The following NEB variants were observed in gnomAD, a reference collection of about 807,000 sequenced individuals.
NEB encodes nemaline myopathy type 2.
Under a neutral mutation model 952.2 loss-of-function variants are expected in NEB, and 512 were observed. That is an observed-to-expected ratio of 0.54 (90% CI 0.50 to 0.58). The LOEUF (loss-of-function observed/expected upper bound fraction) is 0.58, where lower values mean the gene tolerates loss of function less well. Among genes scored for constraint, NEB ranks in the 20% least tolerant of loss-of-function variants. NEB has a pLI of 0.00. For synonymous variants in NEB, 2,900 were observed against 3,149.8 expected (o/e 0.92, Z 2.66); for missense variants, 8,428 against 9,231.1 (o/e 0.91, Z 3.56).
chr2:151,646,196 C>A lies in NEB; in HGVS notation c.7470G>T (p.Gln2490His). 1 of 1,603,904 alleles carries A rather than the reference C, an allele frequency of 6.2e-7. No individual in the cohort carries two copies. The highest frequency in any genetic ancestry group is 1.3e-5 in the African/African-American group (1 of 74,958). Residue 2490 changes from glutamine (Q) to histidine (H), a missense_variant, in exon 55 of 182, where the codon CAG becomes CAT. By Grantham distance (24) the Gln-to-His change is conservative (BLOSUM62 0). Around this residue, in one of 11 missense-constraint regions of NEB, gnomAD observed 1,772 missense variants for 1,960.3 expected, o/e 0.90. Transcript: ENST00000397345. ...YREAWDKDKT[Q>H]IHIMPDTPDI... ...CAGGTGTATCAGGCATGATGTGGAT[C>A]TGAGTCTTGTCTTTGTCCCAAGCTT...
In NEB at chr2:151,540,943, T is replaced by C. The variant is rs1027950979; in HGVS notation, c.20683-142A>G. Reference sequence around the variant, plus strand: ...GATGTTTGTTTGCTTGTTTTTTTGTTATATGCGTTTCTGTTCATTTGTTTC... The same window carrying C: ...GATGTTTGTTTGCTTGTTTTTTTGTCATATGCGTTTCTGTTCATTTGTTTC... On this transcript the variant is annotated intron_variant, in intron 136 of 181. Transcript: ENST00000397345. 77 of 705,198 alleles carry C rather than the reference T, an allele frequency of 1.1e-4. 1 individual carries two copies. Among genetic ancestry groups the C allele is most frequent in the Non-Finnish European group, 1.8e-4 (72 of 407,976 alleles). 43.7% of individuals were successfully genotyped at this position (705,198 alleles called of 1,614,324 possible).
chr2:151,486,025 C>T (rs2050029090), intron 181 of NEB, 92 bp from the exon 182 acceptor site: 4 of 1,320,738 alleles, frequency 3.0e-6, no homozygotes, highest in East Asian at 4.8e-5. Flanking sequence ...TGACTGACTC[C>T]ACAAACTTAA....
intron 134 of NEB, 102 bp downstream of exon 134, chr2:151,546,243 G>C: frequency 1.1e-6 from 1 of 919,116 alleles, no homozygotes; most frequent in Non-Finnish European, 1.7e-6. Context: ...CCCCTTAAAA[G>C]TAGCTGCAGG....
At position 151,636,241 on chromosome 2, in the gene NEB, C is replaced by T; in HGVS notation, c.9088G>A (p.Asp3030Asn). The stretch of plus-strand genomic sequence containing the variant: ...TGACAACTCACGTCACTGATGATGT[C>T]CCTGGAGGCCTTGGCCGCCACGATG... ...IPIVAAKASR[D>N]IISDYKYKDG... Residue 3030 changes from aspartate (D) to asparagine (N), a missense_variant, in exon 64 of 182, where the codon GAC becomes AAC. By Grantham distance (23) the Asp-to-Asn change is conservative. Around this residue, in one of 11 missense-constraint regions of NEB, gnomAD observed 1,772 missense variants for 1,960.3 expected, o/e 0.90. Transcript: ENST00000397345. 6.2e-7 allele frequency: 1 copy of T among 1,609,176 alleles called. No individual in the cohort carries two copies. Among genetic ancestry groups the T allele is most frequent in the Non-Finnish European group, 8.5e-7 (1 of 1,179,406 alleles).
intron 70 of NEB, among the ~76,000 whole-genome samples, chr2:151,626,757 C>T (rs2098534527): frequency 6.6e-6 from 1 of 152,144 alleles, no homozygotes. Flanking sequence ...ATCTCCTGAC[C>T]TCATGATCCG....
At position 151,620,942 on chromosome 2, in the gene NEB, C is replaced by A. The variant is rs1560541262; in HGVS notation, c.10537G>T (p.Ala3513Ser). ...SDAIPIVAAK[A>S]SRDIASDYKY... ...ACATCACTGGCAATATCCCGAGAGG[C>A]CTTGGCAGCCACAATGGGAATGGCA... The change falls in exon 72 of 182, where the codon GCC becomes TCC. Residue 3513 changes from alanine to serine, a missense_variant. By Grantham distance (99) the Ala-to-Ser change is moderately conservative (BLOSUM62 1). Transcript: ENST00000397345. 6.2e-7 allele frequency: 1 copy of A among 1,612,458 alleles called. No homozygotes were observed. The highest frequency in any genetic ancestry group is 2.2e-5 in the East Asian group (1 of 44,780).
In NEB at chr2:151,672,559, T is replaced by C. The variant is rs1230970164; in HGVS notation, c.4109A>G (p.Tyr1370Cys). 14 of 1,613,906 alleles carry C rather than the reference T, an allele frequency of 8.7e-6. No individual in the cohort carries two copies. Among genetic ancestry groups the C allele is most frequent in the Admixed American group, 1.7e-5 (1 of 59,998 alleles). Reference sequence around the variant, plus strand: ...TTTGGTGTTCTCATAGTTCTTCTTGTATTCACGATCAGACTGCAGCTTTGC... The same window carrying C: ...TTTGGTGTTCTCATAGTTCTTCTTGCATTCACGATCAGACTGCAGCTTTGC... ...NVAKLQSDRE[Y>C]KKNYENTKTS... The change falls in exon 37 of 182, where the codon TAC (tyrosine) becomes TGC (cysteine). Residue 1370 changes from tyrosine (Y) to cysteine (C), a missense_variant. Transcript: ENST00000397345.
intron 4 of NEB, among the ~76,000 whole-genome samples, chr2:151,728,868 G>A (rs1436712318): frequency 6.6e-6 from 1 of 152,104 alleles, no homozygotes; most frequent in African/African-American, 2.4e-5. Context: ...TTGCTAATAG[G>A]TTGTTTTCTG....
chr2:151,634,404 G>A (rs977959868), intron 64 of NEB, among the ~76,000 whole-genome samples: 1 of 152,166 alleles, frequency 6.6e-6, no homozygotes, highest in Non-Finnish European at 1.5e-5. Context: ...AGCACTTTGG[G>A]AGGCTAAGGC....
rs1553608272 is a variant in NEB, at chr2:151,697,399, T to C, written c.1316A>G (p.Glu439Gly). ...CATGCAGTGTGAATGGTATGGATCC[T>C]CGAAGCTGCCTACATAATGTCCCAA... The part of the protein sequence containing the change: ...DILGHYVGSF[E>G]DPYHSHCMKV... Residue 439 changes from glutamate (E) to glycine (G), a missense_variant, in exon 15 of 182, where the codon GAG becomes GGG. Transcript: ENST00000397345. 1 of 1,613,994 alleles carries C rather than the reference T, an allele frequency of 6.2e-7. No individual in the cohort carries two copies. Among genetic ancestry groups the C allele is most frequent in the Non-Finnish European group, 8.5e-7 (1 of 1,179,864 alleles).
intron 106 of NEB, 138 bp from the exon 107 acceptor site, chr2:151,575,937 C>G: frequency 3.9e-6 from 3 of 775,108 alleles, no homozygotes; most frequent in Non-Finnish European, 6.4e-6. Flanking sequence ...AATCTTTTCA[C>G]GTAAGTTACT....
At chr2:151,505,620 T>A (rs1285522940) in intron 164 of NEB, 50 bp from the exon 165 acceptor site, 1 of 1,422,708 alleles carries the variant, frequency 7.0e-7, no homozygotes, top group Non-Finnish European at 9.9e-7. Flanking sequence ...TGCTGGACTG[T>A]TATTCTTCCC....
chr2:151,651,003 G>T, intron 52 of NEB, 118 bp from the exon 53 acceptor site: 1 of 995,034 alleles, frequency 1.0e-6, no homozygotes, highest in Non-Finnish European at 1.4e-6. Context: ...TTCCCAGGCT[G>T]GTCTTGAACT....
intron 17 of NEB, among the ~76,000 whole-genome samples, chr2:151,696,026 TAA>T (rs1307078204): frequency 6.6e-6 from 1 of 152,246 alleles, no homozygotes; most frequent in Non-Finnish European, 1.5e-5. Flanking sequence ...TTCATCTGAT[TAA>T]GAGTCCTCTC....
At position 151,485,837 on chromosome 2, in the gene NEB, C is replaced by A. The variant is rs1304300842; in HGVS notation, c.25501G>T (p.Glu8501Ter). The A allele has an allele frequency of 1.2e-6, 2 of 1,614,100 alleles. No individual in the cohort carries two copies. The highest frequency in any genetic ancestry group is 3.3e-5 in the Admixed American group (2 of 60,022). ...DAIINVQAID[E>*]GWMYGTVQRT... ...TGCACAGTGCCATACATCCAGCCTT[C>A]ATCAATTGCTTGAACATTTATGATG... Residue 8501 changes from glutamate (E) to a stop codon, truncating the protein, a stop_gained, in exon 182 of 182, where the codon GAA becomes TAA. Coordinates refer to ENST00000397345, the MANE Select transcript of NEB (RefSeq NM_001164508.2). LOFTEE classifies it high-confidence loss of function.
chr2:151,546,701 G>A (rs1408720237), intron 133 of NEB, among the ~76,000 whole-genome samples: 1 of 151,960 alleles, frequency 6.6e-6, no homozygotes, highest in East Asian at 1.9e-4. Flanking sequence ...TGGGATTACA[G>A]GCGTACATCA....
chr2:151,675,304 C>G lies in NEB; in HGVS notation c.3862G>C (p.Ala1288Pro). The stretch of plus-strand genomic sequence containing the variant: ...CTACTTACGTCACTTATATTGTAAG[C>G]ATTGCACTTGGCCTGGAGAAACTGA... The part of the protein sequence containing the change: ...LPQFLQAKCN[A>P]YNISDVCYKR... Residue 1288 changes from alanine (A) to proline (P), a missense_variant, in exon 35 of 182, where the codon GCT becomes CCT. By Grantham distance (27) the Ala-to-Pro change is conservative. Around this residue, in one of 11 missense-constraint regions of NEB, gnomAD observed 2,851 missense variants for 2,791.5 expected, o/e 1.02. Transcript: ENST00000397345. 6.3e-7 allele frequency: 1 copy of G among 1,586,330 alleles called. No individual in the cohort carries two copies. Among genetic ancestry groups the G allele is most frequent in the South Asian group, 1.1e-5 (1 of 87,308 alleles).
intron 65 of NEB, among the ~76,000 whole-genome samples, chr2:151,633,027 A>G (rs2098700018): frequency 6.6e-6 from 1 of 152,202 alleles, no homozygotes. Context: ...AATTATTACA[A>G]ATTAGTTTTA....
chr2:151,726,430 T>G (rs1230139524), intron 5 of NEB, among the ~76,000 whole-genome samples: 1 of 152,220 alleles, frequency 6.6e-6, no homozygotes, highest in African/African-American at 2.4e-5. Flanking sequence ...AGTGAGTATG[T>G]ATTGCTCAAC....
Sources: allele counts gnomAD v4.1 joint callset (sites outside exome capture counted in the v4.1 genomes callset), GRCh38; gene constraint gnomAD v4.1.1; regional missense constraint gnomAD v4.1.1; transcripts MANE v1.5; gene names NCBI Gene and HGNC (gene_info 2026-07-23, HGNC 2026-07-21).